Variants in AKAP14 observed in about 807,000 individuals in gnomAD.
AKAP14 encodes A-kinase anchoring protein 14, also known as A-kinase anchor protein 14.
Under a neutral mutation model 17.0 loss-of-function variants are expected in AKAP14, and 4 were observed. That is an observed-to-expected ratio of 0.23 (90% CI 0.12 to 0.54). AKAP14 has a LOEUF of 0.54. Ranked by LOEUF, AKAP14 falls within the 20% of genes least tolerant of loss-of-function variation. AKAP14 has a pLI of 0.95. For missense variants in AKAP14, 129 were observed against 150.9 expected (o/e 0.85, Z 0.76); for synonymous variants, 42 against 51.3 (o/e 0.82, Z 0.77).
intron 2 of AKAP14, among the ~76,000 whole-genome samples, chrX:119,900,011 C>T (rs1338336237): frequency 9.0e-6 from 1 of 111,427 alleles, no homozygotes; most frequent in Admixed American, 9.6e-5. Flanking sequence ...TCACTGCAAC[C>T]TCTGCCTCCC....
intron 2 of AKAP14, among the ~76,000 whole-genome samples, chrX:119,896,805 CTTTTTTTCTTT>C (rs767103271): frequency 3.2e-4 from 23 of 70,770 alleles, no homozygotes; most frequent in Non-Finnish European, 5.9e-4. Context: ...CTTTTCTTTT[CTTTTTTTCTTT>C]TTTTTTTTTT....
intron 4 of AKAP14, among the ~76,000 whole-genome samples, chrX:119,911,217 G>C (rs771271219): frequency 9.3e-6 from 1 of 107,284 alleles, no homozygotes; most frequent in South Asian, 4.3e-4. Flanking sequence ...GCTGGGTGTG[G>C]TGGTGGGCGC....
chrX:119,897,434 T>C lies in AKAP14; in HGVS notation c.-11+1167T>C, dbSNP rs768606757. 5.3e-3 allele frequency among the ~76,000 whole-genome samples: 564 copies of C among 106,829 alleles called. 1 individual carries two copies. Among genetic ancestry groups the C allele is most frequent in the Middle Eastern group, 0.012 (2 of 173 alleles). 92.8% of individuals were successfully genotyped at this position (106,829 alleles called of 115,157 possible). On this transcript the variant is annotated intron_variant, in intron 2 of 6. Transcript: ENST00000371431. The stretch of plus-strand genomic sequence containing the variant: ...TTGGCCTCCCAAAGTGCTGGGATTA[T>C]AGGTGTGAGCCACTGCGCCCGGCCC...
intron 4 of AKAP14, among the ~76,000 whole-genome samples, chrX:119,906,851 G>A (rs779775362): frequency 8.9e-6 from 1 of 111,880 alleles, no homozygotes; most frequent in Non-Finnish European, 1.9e-5. Context: ...GCCAAAGTGT[G>A]AGGCATTTCT....
At chrX:119,903,644 T>C (rs778556932) in intron 4 of AKAP14, 58 bp downstream of exon 4, 2 of 1,195,026 alleles carry the variant, frequency 1.7e-6, no homozygotes, top group Non-Finnish European at 1.1e-6. Flanking sequence ...ATAAAGAGAC[T>C]CTCAGCAGAT....
rs140345985 is a variant in AKAP14 at position 119,902,404 on chromosome X, T to C, written c.-10-810T>C. Among the ~76,000 whole-genome samples the C allele has an allele frequency of 5.1e-3, 567 of 110,507 alleles. 8 individuals carry two copies. Among genetic ancestry groups the C allele is most frequent in the African/African-American group, 0.018 (539 of 30,449 alleles). On this transcript the variant is annotated intron_variant, in intron 2 of 6. Transcript: ENST00000371431. ...ATTTCTTTTTAAAAGTTAAGACAGG[T>C]TGGGGAGTGGGGAGATCTCACTATG... is the stretch of plus-strand genomic sequence containing the variant.
intron 5 of AKAP14, among the ~76,000 whole-genome samples, chrX:119,916,653 C>CTTTTTTTTT (rs34475201): frequency 7.5e-5 from 5 of 66,460 alleles, no homozygotes. Context: ...CCACGCCTGG[C>CTTTTTTTTT]TTTTTTTTTT....
At chrX:119,897,253 G>A (rs1461921784) in intron 2 of AKAP14, among the ~76,000 whole-genome samples, 1 of 109,409 alleles carries the variant, frequency 9.1e-6, no homozygotes, top group Non-Finnish European at 1.9e-5. Flanking sequence ...TCTGCCTCCC[G>A]GATTCATGCC....
Position 119,914,687 on chromosome X carries a change from T to C in AKAP14, c.262-12T>C, listed in dbSNP as rs2056647052. ...CTTTTTCTGTGTGCTTTTTCTTTTT[T>C]CTATGAAACAGAAGTGTGTTTCTAA... On this transcript the variant is annotated splice_polypyrimidine_tract_variant and intron_variant, in intron 4 of 6. Coordinates refer to ENST00000371431, the MANE Select transcript of AKAP14 (RefSeq NM_178813.6). The C allele has an allele frequency of 1.7e-6, 2 of 1,188,835 alleles. No homozygotes were observed. The highest frequency in any genetic ancestry group is 5.0e-5 in the Admixed American group (2 of 40,161).
intron 5 of AKAP14, among the ~76,000 whole-genome samples, chrX:119,917,942 TTC>T (rs758727611): frequency 8.9e-6 from 1 of 112,463 alleles, no homozygotes; most frequent in Non-Finnish European, 1.9e-5. Context: ...GAGACCAGCT[TTC>T]AGTAGTAAGG....
At chrX:119,909,534 A>AT (rs1366659100) in intron 4 of AKAP14, among the ~76,000 whole-genome samples, 1 of 82,729 alleles carries the variant, frequency 1.2e-5, no homozygotes, top group Non-Finnish European at 2.3e-5. Context: ...TCTCAAAAAC[A>AT]TAAAAAAAAA....
At chrX:119,910,852 G>A (rs1366602836) in intron 4 of AKAP14, among the ~76,000 whole-genome samples, 5 of 108,389 alleles carry the variant, frequency 4.6e-5, no homozygotes, top group African/African-American at 6.7e-5. Flanking sequence ...AGTAGAGACT[G>A]GATTACTCCA....
intron 4 of AKAP14, 75 bp downstream of exon 4, chrX:119,903,661 T>C: frequency 8.4e-7 from 1 of 1,185,521 alleles, no homozygotes; most frequent in Non-Finnish European, 1.1e-6. Flanking sequence ...AGATCAAAAG[T>C]TTGAAGTCTG....
At chrX:119,918,215 T>G in intron 5 of AKAP14, among the ~76,000 whole-genome samples, 1 of 111,947 alleles carries the variant, frequency 8.9e-6, no homozygotes, top group Non-Finnish European at 1.9e-5. Context: ...TTTCATATTC[T>G]ATATAATTGT....
At position 119,920,704 on chromosome X, in the gene AKAP14, T is replaced by A. The variant is rs943231389; in HGVS notation, c.*97T>A. 8 of 628,629 alleles carry A rather than the reference T, an allele frequency of 1.3e-5. No individual in the cohort carries two copies. In the Admixed American group the frequency reaches 2.8e-4, roughly 22 times the overall value. The allele number at this position is 628,629 out of a possible 1,213,427, so 51.8% of individuals were successfully genotyped here. A position where few individuals can be genotyped will look rare whatever the true frequency, so the allele number is the denominator to read the frequency against. ...ACAGAATATTTATTGAGTAATAAAC[T>A]TGTGGCACACAATCCAGCTGTATTT... On this transcript the variant is annotated 3_prime_UTR_variant, in exon 7 of 7. Transcript: ENST00000371431.
intron 4 of AKAP14, among the ~76,000 whole-genome samples, chrX:119,909,905 A>G (rs1283469392): frequency 9.4e-6 from 1 of 106,327 alleles, no homozygotes; most frequent in Non-Finnish European, 1.9e-5. Flanking sequence ...AAAGGAAGGA[A>G]TAATGACTTT....
intron 4 of AKAP14, among the ~76,000 whole-genome samples, chrX:119,913,376 C>A (rs182108450): frequency 8.9e-6 from 1 of 112,123 alleles, no homozygotes; most frequent in African/African-American, 3.2e-5. Context: ...CTGGGATGAG[C>A]AGAACAAGTG....
At chrX:119,899,180 A>G (rs1486612597) in intron 2 of AKAP14, among the ~76,000 whole-genome samples, 1 of 107,844 alleles carries the variant, frequency 9.3e-6, no homozygotes, top group African/African-American at 3.4e-5. Flanking sequence ...AAAAAAAAAA[A>G]AAAAAGGAAG....
chrX:119,910,020 G>A (rs1180892006), intron 4 of AKAP14, among the ~76,000 whole-genome samples: 2 of 111,072 alleles, frequency 1.8e-5, no homozygotes, highest in African/African-American at 6.5e-5. Context: ...TTAGCCAGGT[G>A]TGGTGGTGCA....
Sources: allele counts gnomAD v4.1 joint callset (sites outside exome capture counted in the v4.1 genomes callset), GRCh38; gene constraint gnomAD v4.1.1; transcripts MANE v1.5; gene names NCBI Gene and HGNC (gene_info 2026-07-23, HGNC 2026-07-21).